The following WWP1 variants were observed in gnomAD, a reference collection of about 807,000 sequenced individuals.
The protein encoded by WWP1 is NEDD4-like E3 ubiquitin-protein ligase WWP1.
Under a neutral mutation model 130.6 loss-of-function variants are expected in WWP1, and 49 were observed. That is an observed-to-expected ratio of 0.38 (90% CI 0.30 to 0.48). WWP1 has a LOEUF of 0.48. WWP1 is among the 20% of genes least tolerant of loss of function. The pLI is 0.99. For missense variants in WWP1, 809 were observed against 1,100.6 expected, an observed-to-expected ratio of 0.74 and a Z score of 3.75; for synonymous variants, 332 against 367.8, an observed-to-expected ratio of 0.90 and a Z score of 1.11.
At chr8:86,452,747 C>G in intron 21 of WWP1, 68 bp downstream of exon 21, 1 of 1,568,814 alleles carries the variant, frequency 6.4e-7, no homozygotes, top group South Asian at 1.1e-5. Context: ...AGTGCTTTTA[C>G]AGAACAGTGT....
rs60177164 is a variant in WWP1 at position 86,427,697 on chromosome 8, C to T, written c.1212C>T (p.Thr404=). Residue 404 remains threonine (T), a synonymous_variant, in exon 11 of 25, where the codon ACC becomes ACT. Coordinates refer to ENST00000517970, the MANE Select transcript of WWP1 (RefSeq NM_007013.4). The part of the protein sequence containing the change: ...RRRVYYVDHN[T]RTTTWQRPTM... Reference sequence around the variant, plus strand: ...GAGTTTATTATGTGGATCATAACACCAGAACAACAACGTGGCAGCGGCCTA... The same window carrying T: ...GAGTTTATTATGTGGATCATAACACTAGAACAACAACGTGGCAGCGGCCTA... 65,364 of 1,613,560 alleles carry T rather than the reference C, an allele frequency of 0.041. 7,632 individuals carry two copies. In the African/African-American group the frequency reaches 0.43, roughly 11 times the overall value.
At chr8:86,429,849 G>A (rs573300658) in intron 11 of WWP1, among the ~76,000 whole-genome samples, 7 of 152,150 alleles carry the variant, frequency 4.6e-5, no homozygotes, top group South Asian at 2.1e-4. Flanking sequence ...AATCATTTTC[G>A]AAAAACTAAT....
At chr8:86,345,911 C>T (rs1377474559) in intron 1 of WWP1, among the ~76,000 whole-genome samples, 1 of 152,110 alleles carries the variant, frequency 6.6e-6, no homozygotes, top group Non-Finnish European at 1.5e-5. Context: ...AATGATTTGC[C>T]TGAAGCATCA....
intron 3 of WWP1, among the ~76,000 whole-genome samples, chr8:86,380,191 G>A (rs563698748): frequency 2.6e-5 from 4 of 152,118 alleles, no homozygotes; most frequent in Non-Finnish European, 5.9e-5. Flanking sequence ...GAGTACTGGT[G>A]CATGTTACAA....
intron 18 of WWP1, among the ~76,000 whole-genome samples, chr8:86,444,106 G>A (rs1810735573): frequency 6.6e-6 from 1 of 152,196 alleles, no homozygotes; most frequent in Non-Finnish European, 1.5e-5. Flanking sequence ...AACAATCCAG[G>A]TGAAAGATAA....
intron 16 of WWP1, 33 bp from the exon 17 acceptor site, chr8:86,438,552 G>A (rs933844829): frequency 3.3e-6 from 5 of 1,498,968 alleles, no homozygotes; most frequent in Admixed American, 2.1e-5. Context: ...CTGCATGTGA[G>A]TATTTAATAT....
At chr8:86,409,745 C>T (rs930808824) in intron 8 of WWP1, among the ~76,000 whole-genome samples, 8 of 151,780 alleles carry the variant, frequency 5.3e-5, no homozygotes, top group East Asian at 4.0e-4. Flanking sequence ...CCTGTAATCC[C>T]GGCTACTGGG....
chr8:86,372,017 ATTTTTTTTTTTT>A (rs34458424), intron 2 of WWP1, among the ~76,000 whole-genome samples: 3 of 70,216 alleles, frequency 4.3e-5, no homozygotes, highest in South Asian at 1.0e-3. Flanking sequence ...TAATTTTTGT[ATTTTTTTTTTTT>A]TTTTTTTTTT....
intron 9 of WWP1, among the ~76,000 whole-genome samples, chr8:86,422,875 T>G (rs115899951): frequency 3.1e-4 from 47 of 152,240 alleles, no homozygotes; most frequent in African/African-American, 1.1e-3. Flanking sequence ...AGGATAGATA[T>G]GCACAATGAA....
chr8:86,451,566 G>A (rs1811180710), intron 20 of WWP1, among the ~76,000 whole-genome samples: 1 of 152,150 alleles, frequency 6.6e-6, no homozygotes, highest in African/African-American at 2.4e-5. Context: ...GTGGACAAAT[G>A]GGAAGAAAAG....
At chr8:86,385,859 T>C (rs946326409) in intron 5 of WWP1, among the ~76,000 whole-genome samples, 1 of 152,204 alleles carries the variant, frequency 6.6e-6, no homozygotes, top group Non-Finnish European at 1.5e-5. Flanking sequence ...TCTTATTCTA[T>C]ATAAAAATTT....
intron 8 of WWP1, among the ~76,000 whole-genome samples, chr8:86,404,513 T>C (rs1338893748): frequency 1.3e-5 from 2 of 152,254 alleles, no homozygotes; most frequent in South Asian, 2.1e-4. Context: ...TCGCATTTCT[T>C]TCTTATTTAT....
chr8:86,423,921 A>T, intron 9 of WWP1, among the ~76,000 whole-genome samples: 1 of 118,232 alleles, frequency 8.5e-6, no homozygotes, highest in Non-Finnish European at 1.8e-5. Context: ...TCCCTCCCAG[A>T]TGGGGCGGCT....
rs547481163 is a variant in WWP1, at chr8:86,453,308, G to A, written c.2394+629G>A. ...ACAGTATTTTACTTTCTGTGACTGG[G>A]TTATTTCACTCAGCCTAATATCCTC... On this transcript the variant is annotated intron_variant, in intron 21 of 24. Coordinates refer to ENST00000517970, the MANE Select transcript of WWP1 (RefSeq NM_007013.4). Among the ~76,000 whole-genome samples the A allele has an allele frequency of 7.9e-5, 12 of 152,168 alleles. No individual in the cohort carries two copies. The South Asian group carries it at 2.3e-3, about 29-fold the overall frequency.
chr8:86,455,793 C>T (rs906324027), intron 21 of WWP1, among the ~76,000 whole-genome samples: 5 of 151,862 alleles, frequency 3.3e-5, no homozygotes, highest in Non-Finnish European at 5.9e-5. Context: ...GAAGGAAATA[C>T]AGAGGCCCTA....
At chr8:86,407,269 A>G (rs558268426) in intron 8 of WWP1, among the ~76,000 whole-genome samples, 138 of 151,788 alleles carry the variant, frequency 9.1e-4, no homozygotes, top group African/African-American at 3.1e-3. Context: ...TTTCGGTTTT[A>G]TCTGTTCAAT....
chr8:86,401,917 C>A, intron 7 of WWP1, 102 bp from the exon 8 acceptor site: 5 of 1,177,404 alleles, frequency 4.2e-6, no homozygotes, highest in South Asian at 5.0e-5. Context: ...AAAGAAATAA[C>A]AAAAAAGAAA....
intron 8 of WWP1, among the ~76,000 whole-genome samples, chr8:86,403,416 C>G (rs896443657): frequency 7.2e-5 from 11 of 152,244 alleles, no homozygotes; most frequent in Admixed American, 3.3e-4. Flanking sequence ...GTGCCTCAGC[C>G]TCCTGAGTAG....
At chr8:86,348,283 A>G (rs1822706469) in intron 1 of WWP1, among the ~76,000 whole-genome samples, 2 of 151,856 alleles carry the variant, frequency 1.3e-5, no homozygotes, top group South Asian at 2.1e-4. Context: ...CAATGGCGCA[A>G]TCTTGGCTCA....
Sources: gnomAD v4.1 joint callset for allele counts (sites outside exome capture counted in the v4.1 genomes callset) on GRCh38, gnomAD v4.1.1 for gene constraint, MANE v1.5 for transcripts, NCBI Gene and HGNC (gene_info 2026-07-23, HGNC 2026-07-21) for gene names.